The following ZNF248 variants were observed in gnomAD, a reference collection of about 807,000 sequenced individuals.
ZNF248 encodes the protein KRAB protein domain.
Under a neutral mutation model 44.3 loss-of-function variants are expected in ZNF248, and 20 were observed. The observed-to-expected ratio is 0.45, with a 90% confidence interval of 0.32 to 0.66. The LOEUF (loss-of-function observed/expected upper bound fraction) is 0.66, where lower values mean the gene tolerates loss of function less well. ZNF248 is among the 30% of genes least tolerant of loss of function. ZNF248 has a pLI of 0.04. For synonymous variants in ZNF248, 224 were observed against 229.0 expected, an observed-to-expected ratio of 0.98 and a Z score of 0.20; for missense variants, 654 against 677.0, an observed-to-expected ratio of 0.97 and a Z score of 0.38.
chr10:37,856,479 C>T lies in ZNF248; in HGVS notation c.-72G>A. On this transcript the variant is annotated 5_prime_UTR_variant, in exon 2 of 6. It adds an upstream start codon to the 5' untranslated region. Coordinates refer to ENST00000395867, the MANE Select transcript of ZNF248 (RefSeq NM_021045.3). ...ATATATGCTGAGCTCAGACATGACA[C>T]TTTTCACTGAGTGAATGTAAATATT... 7.8e-7 allele frequency: 1 copy of T among 1,289,830 alleles called. No individual in the cohort carries two copies. Among genetic ancestry groups the T allele is most frequent in the Non-Finnish European group, 9.9e-7 (1 of 1,014,966 alleles). The allele number at this position is 1,289,830 out of a possible 1,614,324, so 79.9% of individuals were successfully genotyped here. A position where few individuals can be genotyped will look rare whatever the true frequency, so the allele number is the denominator to read the frequency against.
chr10:37,850,249 G>A (rs956188134), intron 3 of ZNF248, among the ~76,000 whole-genome samples: 1 of 152,112 alleles, frequency 6.6e-6, no homozygotes, highest in African/African-American at 2.4e-5. Context: ...TAGTAATACA[G>A]AACAGTCATA....
chr10:37,765,859 C>A, the ZNF248 span, among the ~76,000 whole-genome samples: 1 of 152,228 alleles, frequency 6.6e-6, no homozygotes, highest in South Asian at 2.1e-4. Context: ...CTTTCCTAGT[C>A]AAAGAAAGGG....
At chr10:37,803,631 T>A (rs1439245546) in intron 6 of ZNF248, 1 of 152,202 alleles carries the variant, frequency 6.6e-6, no homozygotes, top group Non-Finnish European at 1.5e-5. Flanking sequence ...AAGTGTGACC[T>A]TCCACGTGGG....
At chr10:37,775,046 A>C (rs532674378), downstream of ZNF248, among the ~76,000 whole-genome samples, 3 of 152,216 alleles carry the variant, frequency 2.0e-5, no homozygotes, top group Admixed American at 6.5e-5. Context: ...CTGGGATTTC[A>C]GGCATGAGCC....
At position 37,810,971 on chromosome 10, in the gene ZNF248, G is replaced by C. The variant is rs551764029; in HGVS notation, c.330+22054C>G. On this transcript the variant is annotated intron_variant, in intron 6 of 6. Transcript: ENST00000615949. Reference sequence around the variant, plus strand: ...TTTGTGTGAGCAGTTCATTTCTCCAGTAAACTGCATATGACAGTAAAAGTA... The same window carrying C: ...TTTGTGTGAGCAGTTCATTTCTCCACTAAACTGCATATGACAGTAAAAGTA... Among the ~76,000 whole-genome samples, 36 of 152,240 alleles carry C rather than the reference G, an allele frequency of 2.4e-4. No individual in the cohort carries two copies. In the South Asian group the frequency reaches 7.3e-3, roughly 31 times the overall value.
chr10:37,852,987 G>A (rs558617999), intron 3 of ZNF248, among the ~76,000 whole-genome samples: 26 of 151,854 alleles, frequency 1.7e-4, no homozygotes, highest in South Asian at 4.2e-4. Context: ...TCAGCCTCCC[G>A]AGTAGCTGGG....
At chr10:37,793,304 C>T (rs1399866201) in intron 6 of ZNF248, among the ~76,000 whole-genome samples, 3 of 152,062 alleles carry the variant, frequency 2.0e-5, no homozygotes, top group Non-Finnish European at 4.4e-5. Flanking sequence ...CACTGCACTC[C>T]AGCCTGGGTG....
rs2133943753 is a variant in ZNF248 at position 37,833,033 on chromosome 10, T to C, written c.322A>G (p.Asn108Asp). Residue 108 changes from asparagine (N) to aspartate (D), a missense_variant, in exon 6 of 6, where the codon AAC becomes GAC. Transcript: ENST00000395867. ...DHFWELLFHN[N>D]KTVSVENGDR... ...CCATTTTCTACACTTACTGTTTTGT[T>C]GTTGTGGAATAGAAGCTCCCAAAAA... is the stretch of plus-strand genomic sequence containing the variant. 1.2e-6 allele frequency: 2 copies of C among 1,613,688 alleles called. No homozygotes were observed. The highest frequency in any genetic ancestry group is 1.7e-6 in the Non-Finnish European group (2 of 1,179,774).
At chr10:37,851,799 T>C (rs952807143) in intron 3 of ZNF248, among the ~76,000 whole-genome samples, 1 of 113,248 alleles carries the variant, frequency 8.8e-6, no homozygotes, top group Non-Finnish European at 1.7e-5. Flanking sequence ...AAAAAACCAG[T>C]GCTAACACCA....
At chr10:37,761,061 T>C in the ZNF248 span, among the ~76,000 whole-genome samples, 1 of 152,190 alleles carries the variant, frequency 6.6e-6, no homozygotes, top group East Asian at 1.9e-4. Context: ...CCCAACTCCA[T>C]CTGCCTTTCA....
At position 37,832,633 on chromosome 10, in the gene ZNF248, A is replaced by G; in HGVS notation, c.722T>C (p.Val241Ala). Residue 241 changes from valine (V) to alanine (A), a missense_variant, in exon 6 of 6, where the codon GTC (valine) becomes GCC (alanine). Transcript: ENST00000395867. ...TCTTCCACATTCGTTATATTTACAG[A>G]CTGTCTCTCCTATCTGAGATCTCTT... ...TNKRSQIGET[V>A]CKYNECGRTF... is the part of the protein sequence containing the mutation. The G allele has an allele frequency of 1.2e-6, 2 of 1,613,400 alleles. No homozygotes were observed. The highest frequency in any genetic ancestry group is 1.7e-6 in the Non-Finnish European group (2 of 1,179,896).
intron 3 of ZNF248, among the ~76,000 whole-genome samples, chr10:37,852,679 T>C (rs1391223843): frequency 6.7e-6 from 1 of 148,824 alleles, no homozygotes; most frequent in Non-Finnish European, 1.5e-5. Flanking sequence ...TATATTTATA[T>C]ATGTTATATA....
At chr10:37,825,889 C>T (rs1461182184), downstream of ZNF248, among the ~76,000 whole-genome samples, 1 of 143,502 alleles carries the variant, frequency 7.0e-6, no homozygotes, top group Admixed American at 7.1e-5. Flanking sequence ...TGCCCTGTGT[C>T]TGCAGGTGAA....
intron 6 of ZNF248, among the ~76,000 whole-genome samples, chr10:37,786,710 C>T (rs575913915): frequency 7.2e-5 from 11 of 152,204 alleles, no homozygotes; most frequent in African/African-American, 2.6e-4. Flanking sequence ...CAGCTGCTTT[C>T]TTTCTCAAAA....
intron 3 of ZNF248, 121 bp from the exon 4 acceptor site, chr10:37,838,232 T>C: frequency 1.2e-6 from 1 of 810,846 alleles, no homozygotes; most frequent in Admixed American, 2.6e-5. Context: ...TCTGTGCTGC[T>C]ATACTATACA....
intron 6 of ZNF248, among the ~76,000 whole-genome samples, chr10:37,798,067 G>A (rs929747978): frequency 7.2e-5 from 11 of 152,054 alleles, no homozygotes; most frequent in African/African-American, 2.7e-4. Flanking sequence ...CAATCCAAAT[G>A]TCTACAAACT....
intron 3 of ZNF248, among the ~76,000 whole-genome samples, chr10:37,845,796 A>C (rs1332398267): frequency 6.6e-6 from 1 of 152,198 alleles, no homozygotes; most frequent in Admixed American, 6.5e-5. Flanking sequence ...TACAATGAAT[A>C]GTTTGTATTT....
At chr10:37,820,064 C>T in intron 6 of ZNF248, 1 of 828,200 alleles carries the variant, frequency 1.2e-6, no homozygotes, top group Non-Finnish European at 2.1e-6. Context: ...TCTATTTAAT[C>T]ATCCTTGTAT....
intron 6 of ZNF248, among the ~76,000 whole-genome samples, chr10:37,807,596 G>A (rs2050769293): frequency 6.6e-6 from 1 of 152,112 alleles, no homozygotes; most frequent in Non-Finnish European, 1.5e-5. Context: ...ACTCTTTAAT[G>A]CATTTCAGCA....
Sources: gnomAD v4.1 joint callset for allele counts (sites outside exome capture counted in the v4.1 genomes callset) on GRCh38, gnomAD v4.1.1 for gene constraint, MANE v1.5 for transcripts, NCBI Gene and HGNC (gene_info 2026-07-23, HGNC 2026-07-21) for gene names.